RBM28: variants seen among roughly 807,000 people sequenced by gnomAD.
RBM28 encodes the protein RNA binding motif protein 28.
RBM28 carries 78 observed loss-of-function variants against 98.3 expected under a neutral mutation model. The observed-to-expected ratio is 0.79, with a 90% confidence interval of 0.66 to 0.96. The LOEUF (loss-of-function observed/expected upper bound fraction) is 0.96, where lower values mean the gene tolerates loss of function less well. Ranked by LOEUF, RBM28 falls within the 40% of genes least tolerant of loss-of-function variation. The pLI, the probability that RBM28 is intolerant of heterozygous loss-of-function variation, is 0.00. For missense variants in RBM28, 838 were observed against 913.0 expected (o/e 0.92, Z 1.06); for synonymous variants, 306 against 330.9 (o/e 0.92, Z 0.82).
At chr7:128,330,451 G>A (rs748353393) in intron 10 of RBM28, among the ~76,000 whole-genome samples, 1 of 138,144 alleles carries the variant, frequency 7.2e-6, no homozygotes, top group Non-Finnish European at 1.5e-5. Context: ...GCATGATCTC[G>A]GCTCATTGCA....
chr7:128,313,054 G>C, intron 18 of RBM28, 121 bp downstream of exon 18: 1 of 988,774 alleles, frequency 1.0e-6, no homozygotes, highest in Non-Finnish European at 1.6e-6. Context: ...TCTCTAAAAA[G>C]CTACCGTCCT....
intron 2 of RBM28, 64 bp from the exon 3 acceptor site, chr7:128,339,385 C>T (rs997095729): frequency 4.1e-5 from 56 of 1,373,226 alleles, no homozygotes; most frequent in Non-Finnish European, 5.3e-5. Context: ...CAGAACATCA[C>T]AGAAAAAAAA....
intron 6 of RBM28, among the ~76,000 whole-genome samples, chr7:128,336,495 A>C (rs1047981332): frequency 2.6e-5 from 4 of 152,048 alleles, no homozygotes; most frequent in African/African-American, 9.7e-5. Context: ...ATGTTCCATC[A>C]CTCCTATTAT....
At chr7:128,317,918 G>A (rs145792753) in intron 15 of RBM28, 39 bp downstream of exon 15, 12 of 1,611,216 alleles carry the variant, frequency 7.4e-6, no homozygotes, top group Middle Eastern at 1.7e-4. Flanking sequence ...CCTGCAAGTG[G>A]TCCTAAGGGA....
At chr7:128,339,931 A>G (rs1796688384) in intron 1 of RBM28, 140 bp from the exon 2 acceptor site, 1 of 1,040,430 alleles carries the variant, frequency 9.6e-7, no homozygotes, top group Non-Finnish European at 1.4e-6. Context: ...TCAGTTTGCC[A>G]AAAGTCTCAG....
chr7:128,320,276 C>G lies in RBM28; in HGVS notation c.1563+990G>C, dbSNP rs552072288. On this transcript the variant is annotated intron_variant, in intron 14 of 18. Coordinates refer to ENST00000223073, the MANE Select transcript of RBM28 (RefSeq NM_018077.3). ...ATTAGCCAGGCATGGTGGTGTGTAA[C>G]TATAGGCCCAACTACTTGGGAGGCT... 7.1e-5 allele frequency among the ~76,000 whole-genome samples: 6 copies of G among 84,380 alleles called. No homozygotes were observed. In the South Asian group the frequency reaches 2.3e-3, roughly 32 times the overall value. 55.4% of individuals were successfully genotyped at this position (84,380 alleles called of 152,430 possible).
chr7:128,327,426 T>G (rs1042895829), intron 10 of RBM28, among the ~76,000 whole-genome samples: 1 of 152,138 alleles, frequency 6.6e-6, no homozygotes, highest in Admixed American at 6.5e-5. Flanking sequence ...CTCTAGAATC[T>G]CCATAAGGCA....
chr7:128,318,191 A>T (rs1323815820), intron 14 of RBM28, 85 bp from the exon 15 acceptor site: 2 of 1,378,952 alleles, frequency 1.5e-6, no homozygotes, highest in Non-Finnish European at 2.0e-6. Context: ...GTCAATAAGA[A>T]ATCAGGCTAT....
At position 128,306,476 on chromosome 7, in the gene RBM28, C is replaced by G. The variant is rs561628232; in HGVS notation, c.*4321G>C. 6.6e-6 allele frequency: 1 copy of G among 152,096 alleles called. No homozygotes were observed. The highest frequency in any genetic ancestry group is 2.4e-5 in the African/African-American group (1 of 41,424). The allele number at this position is 152,096 out of a possible 1,614,324, so 9.4% of individuals were successfully genotyped here. ...GTTCAACAGTATGAAACTCCTACTA[C>G]GAGTAAATCAATGTTAGGTGTTGTG... On this transcript the variant is annotated 3_prime_UTR_variant, in exon 19 of 19. Coordinates refer to ENST00000223073, the MANE Select transcript of RBM28 (RefSeq NM_018077.3).
chr7:128,342,253 A>G (rs1796741010), intron 1 of RBM28, among the ~76,000 whole-genome samples: 1 of 152,224 alleles, frequency 6.6e-6, no homozygotes, highest in Admixed American at 6.5e-5. Context: ...ATTACTGTAC[A>G]GGACTTTCGG....
In RBM28 at chr7:128,335,656, G is replaced by A. The variant is rs1327126647; in HGVS notation, c.833C>T (p.Ala278Val). The change falls in exon 8 of 19, where the codon GCA becomes GTA. Residue 278 changes from alanine to valine, a missense_variant. By Grantham distance (64) the Ala-to-Val change is moderately conservative (BLOSUM62 0). Coordinates refer to ENST00000223073, the MANE Select transcript of RBM28 (RefSeq NM_018077.3). ...QKRAVKRPAP[A>V]KSSDHSEEDS... ...CTCCTCAGAATGATCACTGCTTTTT[G>A]CAGGGGCTGGTCTCTTGACTGCTCT... The A allele has an allele frequency of 6.2e-7, 1 of 1,614,020 alleles. No homozygotes were observed. Among genetic ancestry groups the A allele is most frequent in the Non-Finnish European group, 8.5e-7 (1 of 1,180,024 alleles).
At chr7:128,323,946 G>T (rs1272017883) in intron 12 of RBM28, among the ~76,000 whole-genome samples, 1 of 152,162 alleles carries the variant, frequency 6.6e-6, no homozygotes, top group African/African-American at 2.4e-5. Context: ...CCTATAATCT[G>T]CCCTTGGAAC....
chr7:128,337,553 C>A (rs1796628162), intron 5 of RBM28, among the ~76,000 whole-genome samples: 1 of 118,684 alleles, frequency 8.4e-6, no homozygotes, highest in South Asian at 2.9e-4. Flanking sequence ...ATCTCTACGG[C>A]AATAACTTCT....
chr7:128,300,399 T>C lies in RBM28; in HGVS notation c.*10398A>G, dbSNP rs142357595. ...GATAGCTGGAATGTGAGCTCCCAAG[T>C]GGCTTGAGCTCACTCTGCTCAGGAC... is the stretch of plus-strand genomic sequence containing the variant. On this transcript the variant is annotated 3_prime_UTR_variant, in exon 19 of 19. Transcript: ENST00000223073. 6.6e-6 allele frequency: 1 copy of C among 152,226 alleles called. No homozygotes were observed. Among genetic ancestry groups the C allele is most frequent in the Non-Finnish European group, 1.5e-5 (1 of 68,092 alleles). 9.4% of individuals were successfully genotyped at this position (152,226 alleles called of 1,614,324 possible).
At chr7:128,318,935 C>T (rs553082043) in intron 14 of RBM28, among the ~76,000 whole-genome samples, 1 of 152,310 alleles carries the variant, frequency 6.6e-6, no homozygotes, top group South Asian at 2.1e-4. Context: ...GAAAAAGTCT[C>T]TCCAACATAC....
chr7:128,334,168 G>A (rs1584658616), intron 8 of RBM28, among the ~76,000 whole-genome samples: 1 of 152,288 alleles, frequency 6.6e-6, no homozygotes, highest in African/African-American at 2.4e-5. Context: ...GAGACTCACT[G>A]TTTGTTTTCA....
chr7:128,327,851 T>C (rs1796388222), intron 10 of RBM28, among the ~76,000 whole-genome samples: 1 of 152,238 alleles, frequency 6.6e-6, no homozygotes, highest in Non-Finnish European at 1.5e-5. Flanking sequence ...TTTCAGTAGA[T>C]TCCAAAAAAG....
chr7:128,333,731 TAAATAA>T (rs1261748876), intron 8 of RBM28, among the ~76,000 whole-genome samples: 1 of 151,614 alleles, frequency 6.6e-6, no homozygotes, highest in Non-Finnish European at 1.5e-5. Context: ...AAAAAATAAA[TAAATAA>T]AAATAAAAAT....
At chr7:128,328,542 T>G (rs976562918) in intron 10 of RBM28, among the ~76,000 whole-genome samples, 2 of 152,222 alleles carry the variant, frequency 1.3e-5, no homozygotes, top group African/African-American at 2.4e-5. Flanking sequence ...ATTAAAACTA[T>G]GCTTATTAAG....
Sources: gnomAD v4.1 joint callset for allele counts (sites outside exome capture counted in the v4.1 genomes callset) on GRCh38, gnomAD v4.1.1 for gene constraint, MANE v1.5 for transcripts, NCBI Gene and HGNC (gene_info 2026-07-23, HGNC 2026-07-21) for gene names.